The following TSC2 variants were observed in gnomAD, a reference collection of about 807,000 sequenced individuals.
TSC2 encodes TSC complex subunit 2, also known as tuberin.
A neutral mutation model predicts 202.2 loss-of-function variants in TSC2; 29 were observed. The ratio of observed to expected loss-of-function variants is 0.14; its 90% CI spans 0.11 to 0.20. The LOEUF (loss-of-function observed/expected upper bound fraction) is 0.20, where lower values mean the gene tolerates loss of function less well. Among genes scored for constraint, TSC2 ranks in the 10% least tolerant of loss-of-function variants. The pLI is 1.00. For missense variants in TSC2, 2,429 were observed against 2,420.0 expected, an observed-to-expected ratio of 1.00 and a Z score of -0.08; for synonymous variants, 1,349 against 1,044.0, an observed-to-expected ratio of 1.29 and a Z score of -5.63.
chr16:2,056,214 C>CT lies in TSC2; in HGVS notation c.618_619insT (p.Val207CysfsTer28). On this transcript the variant is annotated frameshift_variant, in exon 7 of 42. Coordinates refer to ENST00000219476, the MANE Select transcript of TSC2 (RefSeq NM_000548.5). LOFTEE classifies it high-confidence loss of function. ...CCTGCAGGATGATCTGTCTGCTGTG[C>CT]GTCCGGACCGCGTCCTCTGTGGACA... 1.2e-6 allele frequency: 2 copies of CT among 1,614,016 alleles called. No homozygotes were observed. The highest frequency in any genetic ancestry group is 1.7e-6 in the Non-Finnish European group (2 of 1,180,030).
intron 9 of TSC2, among the ~76,000 whole-genome samples, chr16:2,057,500 C>T (rs2086023138): frequency 6.6e-6 from 1 of 152,126 alleles, no homozygotes. Context: ...TTGCCCTCAC[C>T]CCCACAGCCA....
chr16:2,062,458 G>A (rs569067503), intron 12 of TSC2, 39 bp from the exon 13 acceptor site: 37 of 1,565,678 alleles, frequency 2.4e-5, no homozygotes, highest in Middle Eastern at 1.7e-4. Flanking sequence ...GGAGAGCGCC[G>A]GAGGGGCAGA....
In TSC2 at chr16:2,071,867, C is replaced by T. The variant is rs376974525; in HGVS notation, c.2030C>T (p.Pro677Leu). The T allele has an allele frequency of 6.3e-6, 10 of 1,592,148 alleles. No homozygotes were observed. Among genetic ancestry groups the T allele is most frequent in the Middle Eastern group, 1.7e-4 (1 of 6,004 alleles). Residue 677 changes from proline (P) to leucine (L), a missense_variant, in exon 19 of 42, where the codon CCC becomes CTC. Pro to Leu is a moderately conservative substitution (Grantham distance 98, BLOSUM62 -3). Transcript: ENST00000219476. ...CCTCCTGGCCCGGCGCCTGCAGGCC[C>T]CGCCGTGCGGCTGGGGTCCGTGCCC... Reference protein sequence around the residue: ...TGPPGPAPAGPAVRLGSVPYS... With the variant: ...TGPPGPAPAGLAVRLGSVPYS...
chr16:2,078,749 C>T (rs989644485), intron 26 of TSC2: 4 of 510,504 alleles, frequency 7.8e-6, no homozygotes, highest in African/African-American at 5.8e-5. Flanking sequence ...AGGCCGTAAC[C>T]TAGTGCTCCC....
chr16:2,051,050 G>A (rs998225954), intron 3 of TSC2, among the ~76,000 whole-genome samples: 2 of 152,088 alleles, frequency 1.3e-5, no homozygotes, highest in Non-Finnish European at 2.9e-5. Flanking sequence ...CCGAGCGGGG[G>A]TGCGGGGGCT....
At chr16:2,085,390 G>A (rs1236649568) in intron 36 of TSC2, 68 bp downstream of exon 36, 2 of 1,547,144 alleles carry the variant, frequency 1.3e-6, no homozygotes, top group Non-Finnish European at 1.8e-6. Flanking sequence ...AGTGGGTAGG[G>A]AGTCTGGGCC....
chr16:2,054,641 C>T (rs758458784), intron 5 of TSC2: 5 of 722,090 alleles, frequency 6.9e-6, no homozygotes, highest in Non-Finnish European at 1.2e-5. Context: ...GAGTCCTGGC[C>T]TTCACCCCAG....
At position 2,088,142 on chromosome 16, in the gene TSC2, G is replaced by A. The variant is rs45517401; in HGVS notation, c.5160+3G>A. The A allele has an allele frequency of 6.2e-7, 1 of 1,613,048 alleles. No homozygotes were observed. Among genetic ancestry groups the A allele is most frequent in the Non-Finnish European group, 8.5e-7 (1 of 1,180,002 alleles). On this transcript the variant is annotated splice_donor_region_variant and intron_variant, in intron 40 of 41. Transcript: ENST00000219476. ...GCCAGATGGCCCTGCACGCAAATGT[G>A]AGTGGGGGTGGGTCCAGGCGTGAGC...
At chr16:2,073,043 C>G (rs1024217972) in intron 21 of TSC2, 60 bp downstream of exon 21, 2 of 1,610,356 alleles carry the variant, frequency 1.2e-6, no homozygotes, top group Admixed American at 1.7e-5. Context: ...GGGCCTGGCC[C>G]AGGTAGGCCC....
chr16:2,080,150 T>G lies in TSC2; in HGVS notation c.3398-15T>G. On this transcript the variant is annotated splice_polypyrimidine_tract_variant and intron_variant, in intron 29 of 41. Coordinates refer to ENST00000219476, the MANE Select transcript of TSC2 (RefSeq NM_000548.5). ...AGGTAAGTGGTGGTCACCAGTCCTC[T>G]GCCCTCTTCTTCAGGGGGCCATGGT... 1 of 1,612,822 alleles carries G rather than the reference T, an allele frequency of 6.2e-7. No homozygotes were observed. The highest frequency in any genetic ancestry group is 8.5e-7 in the Non-Finnish European group (1 of 1,179,882).
At chr16:2,076,607 C>T (rs778751208) in intron 25 of TSC2, 22 bp downstream of exon 25, 1 of 1,611,986 alleles carries the variant, frequency 6.2e-7, no homozygotes, top group East Asian at 2.2e-5. Flanking sequence ...GGGGGTGTGC[C>T]TGGAGTCGGT....
intron 16 of TSC2, 74 bp from the exon 17 acceptor site, chr16:2,070,382 C>T: frequency 1.9e-6 from 3 of 1,612,442 alleles, no homozygotes; most frequent in Non-Finnish European, 2.5e-6. Context: ...GGCCCCTGCT[C>T]CGGGACAAGG....
intron 40 of TSC2, 32 bp from the exon 41 acceptor site, chr16:2,088,195 A>C (rs2091115876): frequency 2.5e-6 from 4 of 1,612,278 alleles, no homozygotes; most frequent in Non-Finnish European, 2.5e-6. Context: ...GTGCCACCTG[A>C]TAGTGAGCTC....
intron 38 of TSC2, 109 bp downstream of exon 38, chr16:2,086,980 G>C: frequency 1.3e-6 from 2 of 1,506,528 alleles, no homozygotes; most frequent in South Asian, 2.4e-5. Context: ...GGAGCAGGAG[G>C]AGAGGCCGCA....
At chr16:2,062,455 G>C in intron 12 of TSC2, 42 bp from the exon 13 acceptor site, 1 of 1,553,522 alleles carries the variant, frequency 6.4e-7, no homozygotes, top group Non-Finnish European at 8.8e-7. Flanking sequence ...GAAGGAGAGC[G>C]CCGGAGGGGC....
chr16:2,084,226 AGTC>A lies in TSC2; in HGVS notation c.4008_4010del (p.Ser1338del), dbSNP rs1567520255. 6.3e-7 allele frequency: 1 copy of A among 1,581,808 alleles called. No individual in the cohort carries two copies. Among genetic ancestry groups the A allele is most frequent in the Non-Finnish European group, 8.6e-7 (1 of 1,163,036 alleles). On this transcript the variant is annotated splice_acceptor_variant and coding_sequence_variant, in exon 34 of 42. Transcript: ENST00000219476. LOFTEE classifies it high-confidence loss of function. ...GGTTCTCTTTGGGATGGTCCTTTCTAGTCGTCCTCAGTCTCCAGCCAGGAGGAG... is the reference window on the plus strand; with the variant it reads ...GGTTCTCTTTGGGATGGTCCTTTCTAGTCCTCAGTCTCCAGCCAGGAGGAG...
intron 22 of TSC2, 68 bp downstream of exon 22, chr16:2,074,457 T>G (rs2088964781): frequency 6.4e-7 from 1 of 1,574,620 alleles, no homozygotes; most frequent in Non-Finnish European, 8.6e-7. Context: ...CGGGCTTCTC[T>G]GGTGCCCTCT....
In TSC2 at chr16:2,079,703, A is replaced by G; in HGVS notation, c.3397+34A>G. The G allele has an allele frequency of 6.5e-7, 1 of 1,544,644 alleles. No homozygotes were observed. Among genetic ancestry groups the G allele is most frequent in the Non-Finnish European group, 8.7e-7 (1 of 1,143,818 alleles). ...TGGCCCCAGCCACCTCCACACAGGC[A>G]CCGGGGCTCCCTCAGTTGCTGCTGG... On this transcript the variant is annotated intron_variant, in intron 29 of 41. Coordinates refer to ENST00000219476, the MANE Select transcript of TSC2 (RefSeq NM_000548.5). This position sits in a 1 kb window ranked among gnomAD's most constrained non-coding sequence, Gnocchi z 4.6.
rs45517411 is a variant in TSC2 at position 2,088,286 on chromosome 16, G to C, written c.5220G>C (p.Trp1740Cys). The C allele has an allele frequency of 6.2e-7, 1 of 1,612,966 alleles. No individual in the cohort carries two copies. The highest frequency in any genetic ancestry group is 8.5e-7 in the Non-Finnish European group (1 of 1,180,012). The stretch of plus-strand genomic sequence containing the variant: ...CCACCGATATCTACCCCTCCAAGTG[G>C]ATTGCCCGGCTCCGCCACATCAAGC... Reference protein sequence around the residue: ...SNPTDIYPSKWIARLRHIKRL... With the variant: ...SNPTDIYPSKCIARLRHIKRL... Residue 1740 changes from tryptophan to cysteine, a missense_variant, in exon 41 of 42, where the codon TGG (tryptophan) becomes TGC (cysteine). Trp to Cys is a radical substitution (Grantham distance 215). Transcript: ENST00000219476.
Sources: gnomAD v4.1 joint callset for allele counts (sites outside exome capture counted in the v4.1 genomes callset) on GRCh38, gnomAD v4.1.1 for gene constraint, Gnocchi (gnomAD v3.1) non-coding constraint, MANE v1.5 for transcripts, NCBI Gene and HGNC (gene_info 2026-07-23, HGNC 2026-07-21) for gene names.